The following DYM variants were observed in gnomAD, a reference collection of about 807,000 sequenced individuals.
The protein encoded by DYM is dyggve-Melchior-Clausen syndrome protein.
Under a neutral mutation model 93.1 loss-of-function variants are expected in DYM, and 78 were observed. The ratio of observed to expected loss-of-function variants is 0.84; its 90% CI spans 0.70 to 1.01. The LOEUF (loss-of-function observed/expected upper bound fraction) is 1.01, where lower values mean the gene tolerates loss of function less well. Ranked by LOEUF, DYM falls within the 50% of genes least tolerant of loss-of-function variation. The probability of loss-of-function intolerance (pLI) is 0.00; values close to 1 mark genes in which losing one functional copy is unlikely to be tolerated. For missense variants in DYM, 789 were observed against 845.0 expected (o/e 0.93, Z 0.82); for synonymous variants, 321 against 319.7 (o/e 1.00, Z -0.04).
At chr18:49,212,298 A>T (rs949612764) in intron 13 of DYM, among the ~76,000 whole-genome samples, 3 of 152,124 alleles carry the variant, frequency 2.0e-5, no homozygotes, top group African/African-American at 7.2e-5. Flanking sequence ...ATCAATGTTA[A>T]TTTCCTGATT....
intron 17 of DYM, among the ~76,000 whole-genome samples, chr18:49,076,636 C>G (rs2077333318): frequency 6.6e-6 from 1 of 152,214 alleles, no homozygotes; most frequent in Non-Finnish European, 1.5e-5. Context: ...AATATGGTAT[C>G]TGTTATTACC....
At chr18:49,375,046 C>G (rs1353508066) in intron 5 of DYM, among the ~76,000 whole-genome samples, 1 of 151,676 alleles carries the variant, frequency 6.6e-6, no homozygotes, top group Non-Finnish European at 1.5e-5. Context: ...GCACAGAATC[C>G]AAGAAAGGAA....
At chr18:49,184,495 A>G (rs1056073794) in intron 14 of DYM, among the ~76,000 whole-genome samples, 1 of 152,202 alleles carries the variant, frequency 6.6e-6, no homozygotes, top group African/African-American at 2.4e-5. Flanking sequence ...GCAGCAATAC[A>G]GTATTCCCCC....
intron 13 of DYM, 76 bp from the exon 14 acceptor site, chr18:49,209,791 C>T: frequency 2.0e-6 from 2 of 1,011,418 alleles, no homozygotes; most frequent in East Asian, 7.0e-5. Flanking sequence ...TTTTTTATGT[C>T]CTCAAAGCTT....
At chr18:49,093,078 A>G (rs1266148447) in intron 17 of DYM, 1 of 152,268 alleles carries the variant, frequency 6.6e-6, no homozygotes, top group Non-Finnish European at 1.5e-5. Context: ...TATGTATTGA[A>G]TGAGATGGGT....
intron 6 of DYM, among the ~76,000 whole-genome samples, chr18:49,357,397 C>T (rs985039131): frequency 1.2e-4 from 19 of 152,166 alleles, no homozygotes; most frequent in African/African-American, 3.6e-4. Context: ...CTAAACTAAA[C>T]GGCCCCAGAA....
chr18:49,200,471 T>C (rs1054677481), intron 14 of DYM, among the ~76,000 whole-genome samples: 6 of 151,858 alleles, frequency 4.0e-5, no homozygotes, highest in African/African-American at 1.4e-4. Flanking sequence ...GAAGCTTATA[T>C]TCTTTTTTCA....
In DYM at chr18:49,268,927, A is replaced by C. The variant is rs918148808; in HGVS notation, c.1251+3251T>G. ...TTTCTATGTTCACATCAAAAGGTCA[A>C]GCTACAAAAGCAAAAATAAATTAAT... On this transcript the variant is annotated intron_variant, in intron 11 of 17. Coordinates refer to ENST00000675505, the MANE Select transcript of DYM (RefSeq NM_001353214.3). 6.6e-5 allele frequency among the ~76,000 whole-genome samples: 10 copies of C among 152,152 alleles called. No homozygotes were observed. The East Asian group carries it at 1.9e-3, about 29-fold the overall frequency.
At chr18:49,094,549 G>C (rs945140531) in intron 17 of DYM, among the ~76,000 whole-genome samples, 1 of 152,174 alleles carries the variant, frequency 6.6e-6, no homozygotes, top group East Asian at 1.9e-4. Flanking sequence ...AGTAAGAAGA[G>C]AATGTTTAGA....
At chr18:49,425,882 A>T (rs1159815716) in intron 2 of DYM, among the ~76,000 whole-genome samples, 5 of 152,042 alleles carry the variant, frequency 3.3e-5, no homozygotes, top group African/African-American at 1.2e-4. Context: ...CGATCATTAA[A>T]AAGTCAGGAA....
At chr18:49,421,681 G>C (rs906822101) in intron 2 of DYM, among the ~76,000 whole-genome samples, 2 of 152,252 alleles carry the variant, frequency 1.3e-5, no homozygotes, top group African/African-American at 4.8e-5. Context: ...GAAGGCTTCA[G>C]AAGATCGGTA....
chr18:49,429,348 C>T (rs960980916), intron 2 of DYM, among the ~76,000 whole-genome samples: 2 of 152,204 alleles, frequency 1.3e-5, no homozygotes, highest in Non-Finnish European at 2.9e-5. Flanking sequence ...CAGACAAGGA[C>T]ATGGACATCT....
chr18:49,066,910 T>C (rs1309411544), intron 17 of DYM, among the ~76,000 whole-genome samples: 1 of 152,204 alleles, frequency 6.6e-6, no homozygotes, highest in Non-Finnish European at 1.5e-5. Flanking sequence ...TGAAGATACA[T>C]GCAGTGTGTG....
chr18:49,073,566 G>A (rs1427915179), intron 17 of DYM, among the ~76,000 whole-genome samples: 1 of 152,094 alleles, frequency 6.6e-6, no homozygotes, highest in African/African-American at 2.4e-5. Flanking sequence ...AACAAAATCT[G>A]AAACGAGTGA....
chr18:49,401,211 T>G (rs1012543414), intron 2 of DYM, among the ~76,000 whole-genome samples: 2 of 152,142 alleles, frequency 1.3e-5, no homozygotes, highest in South Asian at 4.1e-4. Context: ...GATAAATACT[T>G]AAAACTAGTA....
intron 17 of DYM, among the ~76,000 whole-genome samples, chr18:49,080,603 C>A (rs1300993834): frequency 6.8e-6 from 1 of 146,150 alleles, no homozygotes; most frequent in African/African-American, 2.5e-5. Flanking sequence ...ACCCCCCCAC[C>A]TCCCTCCTGG....
At chr18:49,328,418 A>ATT (rs2063061170) in intron 8 of DYM, among the ~76,000 whole-genome samples, 1 of 152,190 alleles carries the variant, frequency 6.6e-6, no homozygotes, top group Non-Finnish European at 1.5e-5. Flanking sequence ...GACTCCAAGC[A>ATT]ACTGTTCTAT....
At chr18:49,227,636 T>C (rs1285622094) in intron 13 of DYM, among the ~76,000 whole-genome samples, 1 of 151,996 alleles carries the variant, frequency 6.6e-6, no homozygotes, top group African/African-American at 2.4e-5. Context: ...CAGGTGAGGA[T>C]TGTGGGAGCT....
At chr18:49,296,977 G>A (rs2060605781) in intron 8 of DYM, among the ~76,000 whole-genome samples, 2 of 152,116 alleles carry the variant, frequency 1.3e-5, no homozygotes, top group African/African-American at 4.8e-5. Flanking sequence ...ATCTTGGAGG[G>A]CTCCAACTTA....
Sources: allele counts gnomAD v4.1 joint callset (sites outside exome capture counted in the v4.1 genomes callset), GRCh38; gene constraint gnomAD v4.1.1; transcripts MANE v1.5; gene names NCBI Gene and HGNC (gene_info 2026-07-23, HGNC 2026-07-21).